Variants in COMMD1 observed in about 807,000 individuals in gnomAD.
COMMD1 encodes the protein COMM domain-containing protein 1.
A neutral mutation model predicts 17.2 loss-of-function variants in COMMD1; 10 were observed. That is an observed-to-expected ratio of 0.58 (90% CI 0.36 to 0.99). The LOEUF is 0.99. COMMD1 is among the 50% of genes least tolerant of loss of function. The probability of loss-of-function intolerance (pLI) is 0.01; values close to 1 mark genes in which losing one functional copy is unlikely to be tolerated. For synonymous variants in COMMD1, 97 were observed against 91.6 expected (o/e 1.06, Z -0.34); for missense variants, 270 against 231.8 (o/e 1.17, Z -1.07).
chr2:62,004,962 GTCTA>G (rs1249026417), intron 2 of COMMD1, among the ~76,000 whole-genome samples: 2 of 152,154 alleles, frequency 1.3e-5, no homozygotes, highest in Admixed American at 1.3e-4. Context: ...GTGTGTTTAT[GTCTA>G]TCTGTGTACC....
chr2:61,889,362 A>G (rs919883996), intron 1 of COMMD1, among the ~76,000 whole-genome samples: 1 of 151,920 alleles, frequency 6.6e-6, no homozygotes, highest in South Asian at 2.1e-4. Context: ...GCCCGCCACC[A>G]TGCCTAGCGA....
At chr2:62,123,759 C>T (rs980310558) in intron 2 of COMMD1, among the ~76,000 whole-genome samples, 1 of 151,732 alleles carries the variant, frequency 6.6e-6, no homozygotes, top group Non-Finnish European at 1.5e-5. Flanking sequence ...AGCCCCAGTC[C>T]CTCTTAATGC....
In COMMD1 at chr2:62,135,920, A is replaced by G. The variant is rs923527207; in HGVS notation, c.552A>G (p.Thr184=). ...CAGAGGTAGAAGAAAGTATCAGCACACTGATCAGCCAGCCTAACTGAAGAT... is the reference window on the plus strand; with the variant it reads ...CAGAGGTAGAAGAAAGTATCAGCACGCTGATCAGCCAGCCTAACTGAAGAT... ...TLSEVEESIS[T]LISQPN Residue 184 remains threonine (T), a synonymous_variant, in exon 3 of 3, where the codon ACA becomes ACG. Transcript: ENST00000311832. 3.1e-6 allele frequency: 5 copies of G among 1,589,834 alleles called. No individual in the cohort carries two copies. The Admixed American group carries it at 8.3e-5, about 27-fold the overall frequency.
intron 1 of COMMD1, among the ~76,000 whole-genome samples, chr2:61,974,396 G>A (rs1415134188): frequency 6.6e-6 from 1 of 150,910 alleles, no homozygotes; most frequent in African/African-American, 2.4e-5. Flanking sequence ...TTTTTTGGCC[G>A]GGCTCGGTGG....
chr2:62,117,480 T>G (rs1327489557), intron 2 of COMMD1, among the ~76,000 whole-genome samples: 2 of 152,246 alleles, frequency 1.3e-5, no homozygotes, highest in Non-Finnish European at 2.9e-5. Flanking sequence ...AACAGTTAAG[T>G]GCTCAGGTCC....
At chr2:62,070,826 T>TA (rs1165417438) in intron 2 of COMMD1, among the ~76,000 whole-genome samples, 1 of 152,192 alleles carries the variant, frequency 6.6e-6, no homozygotes, top group Admixed American at 6.5e-5. Flanking sequence ...GGTCAGGAGT[T>TA]AAAGACCAGC....
At chr2:61,907,446 C>T (rs1669801305) in intron 1 of COMMD1, among the ~76,000 whole-genome samples, 1 of 152,112 alleles carries the variant, frequency 6.6e-6, no homozygotes, top group Non-Finnish European at 1.5e-5. Context: ...TTTGAGCAGT[C>T]CAAGAGAGTT....
At chr2:61,990,877 CA>C (rs139284456) in intron 1 of COMMD1, among the ~76,000 whole-genome samples, 24,783 of 111,302 alleles carry the variant, frequency 0.22, 3,189 homozygotes, top group East Asian at 0.42. Flanking sequence ...TCTGTCTTTA[CA>C]AAAAAAAAAA....
chr2:62,106,082 A>C (rs1672318456), intron 2 of COMMD1, among the ~76,000 whole-genome samples: 2 of 152,190 alleles, frequency 1.3e-5, no homozygotes, highest in Admixed American at 1.3e-4. Flanking sequence ...GTCCAGCCTC[A>C]AAATCCTGTA....
At chr2:62,062,678 T>TA (rs957080837) in intron 2 of COMMD1, among the ~76,000 whole-genome samples, 61 of 149,764 alleles carry the variant, frequency 4.1e-4, no homozygotes, top group Admixed American at 1.3e-3. Context: ...AGTAAGAAAA[T>TA]AAAAAAAAAA....
In COMMD1 at chr2:62,064,873, A is replaced by G. The variant is rs1670984389; in HGVS notation, c.462+63891A>G. 2.0e-5 allele frequency among the ~76,000 whole-genome samples: 3 copies of G among 152,178 alleles called. No homozygotes were observed. The South Asian group carries it at 6.2e-4, about 32-fold the overall frequency. Reference sequence around the variant, plus strand: ...TTTGTATCAATATTTGGCATCATAAAAATCTATGCTGTGCCAGGTGCAGTA... The same window carrying G: ...TTTGTATCAATATTTGGCATCATAAGAATCTATGCTGTGCCAGGTGCAGTA... On this transcript the variant is annotated intron_variant, in intron 2 of 2. Coordinates refer to ENST00000311832, the MANE Select transcript of COMMD1 (RefSeq NM_152516.4).
At chr2:62,041,884 T>C (rs969881080) in intron 2 of COMMD1, among the ~76,000 whole-genome samples, 21 of 152,212 alleles carry the variant, frequency 1.4e-4, no homozygotes, top group Admixed American at 3.9e-4. Context: ...ATAAAGGCGA[T>C]GCAGACCCAA....
chr2:62,099,161 G>A (rs920771804), intron 2 of COMMD1, among the ~76,000 whole-genome samples: 1 of 152,228 alleles, frequency 6.6e-6, no homozygotes, highest in Non-Finnish European at 1.5e-5. Flanking sequence ...AGTTCAGAGA[G>A]AGCAGAGGGT....
At chr2:62,047,442 C>T (rs189025948) in intron 2 of COMMD1, among the ~76,000 whole-genome samples, 1 of 152,116 alleles carries the variant, frequency 6.6e-6, no homozygotes, top group African/African-American at 2.4e-5. Context: ...TTTATGGTAA[C>T]TGCCCTTTCT....
intron 1 of COMMD1, among the ~76,000 whole-genome samples, chr2:61,935,754 T>C (rs1176143930): frequency 3.3e-5 from 5 of 152,190 alleles, no homozygotes; most frequent in African/African-American, 1.2e-4. Flanking sequence ...CTTATTAAAT[T>C]TGGTCTAATC....
At chr2:62,045,819 C>A (rs1670370178) in intron 2 of COMMD1, among the ~76,000 whole-genome samples, 1 of 146,196 alleles carries the variant, frequency 6.8e-6, no homozygotes, top group Non-Finnish European at 1.5e-5. Context: ...CCCACTGCAA[C>A]CTCTGCCTCC....
At chr2:61,888,515 T>G (rs748341543), upstream of COMMD1, 8 of 1,610,336 alleles carry the variant, frequency 5.0e-6, no homozygotes, top group Non-Finnish European at 6.8e-6. Flanking sequence ...CATGGCAAAC[T>G]CCGCTGTGTC....
intron 2 of COMMD1, among the ~76,000 whole-genome samples, chr2:62,097,498 C>T (rs1227599380): frequency 6.6e-6 from 1 of 152,146 alleles, no homozygotes; most frequent in East Asian, 1.9e-4. Flanking sequence ...CTTTCACAAG[C>T]ATAATGTACA....
intron 2 of COMMD1, among the ~76,000 whole-genome samples, chr2:62,053,695 G>A (rs754308228): frequency 5.9e-5 from 9 of 152,210 alleles, no homozygotes; most frequent in Non-Finnish European, 1.0e-4. Flanking sequence ...AGTGGCCATA[G>A]AATACCACAT....
Sources: allele counts gnomAD v4.1 joint callset (sites outside exome capture counted in the v4.1 genomes callset), GRCh38; gene constraint gnomAD v4.1.1; transcripts MANE v1.5; gene names NCBI Gene and HGNC (gene_info 2026-07-23, HGNC 2026-07-21).